NXPH1: variants seen among roughly 807,000 people sequenced by gnomAD.
NXPH1 encodes the protein neurexophilin 1.
NXPH1 carries 5 observed loss-of-function variants against 23.7 expected under a neutral mutation model. That is an observed-to-expected ratio of 0.21 (90% CI 0.11 to 0.44). The LOEUF is 0.44. Among genes scored for constraint, NXPH1 ranks in the 20% least tolerant of loss-of-function variants. The pLI is 0.99. For synonymous variants in NXPH1, 144 were observed against 122.2 expected (o/e 1.18, Z -1.18); for missense variants, 324 against 321.6 (o/e 1.01, Z -0.06).
chr7:8,614,607 T>C (rs2128630204), intron 2 of NXPH1, among the ~76,000 whole-genome samples: 2 of 152,072 alleles, frequency 1.3e-5, no homozygotes, highest in South Asian at 4.1e-4. Flanking sequence ...TCCATATACA[T>C]ATATGTAGGT....
intron 2 of NXPH1, among the ~76,000 whole-genome samples, chr7:8,637,638 C>G (rs78381403): frequency 6.6e-6 from 1 of 152,040 alleles, no homozygotes; most frequent in Non-Finnish European, 1.5e-5. Flanking sequence ...TTTTTAGATG[C>G]TGTGTTTAGA....
chr7:8,456,866 A>G (rs565206770), intron 2 of NXPH1, among the ~76,000 whole-genome samples: 2 of 152,248 alleles, frequency 1.3e-5, no homozygotes, highest in East Asian at 3.9e-4. Context: ...TTGTGTTTTA[A>G]GTTTATTCCT....
intron 2 of NXPH1, among the ~76,000 whole-genome samples, chr7:8,678,671 C>T (rs140535711): frequency 1.7e-3 from 264 of 152,178 alleles, no homozygotes; most frequent in African/African-American, 6.2e-3. Flanking sequence ...CGCAGAGCCT[C>T]CTGTTAAGGA....
intron 2 of NXPH1, among the ~76,000 whole-genome samples, chr7:8,572,363 T>C (rs1818665591): frequency 6.6e-6 from 1 of 151,908 alleles, no homozygotes; most frequent in Non-Finnish European, 1.5e-5. Context: ...ATGTATATAT[T>C]CAATTTGGAG....
intron 2 of NXPH1, among the ~76,000 whole-genome samples, chr7:8,455,445 C>A (rs993416362): frequency 6.6e-6 from 1 of 152,108 alleles, no homozygotes; most frequent in South Asian, 2.1e-4. Flanking sequence ...ATGAGTGGAT[C>A]TTTTAATGGA....
chr7:8,573,299 A>C (rs756170800), intron 2 of NXPH1, among the ~76,000 whole-genome samples: 24 of 152,138 alleles, frequency 1.6e-4, no homozygotes, highest in Admixed American at 7.2e-4. Context: ...GTTTTTAAGC[A>C]ACTGTTTTAC....
At chr7:8,633,528 A>G (rs1393391333) in intron 2 of NXPH1, among the ~76,000 whole-genome samples, 1 of 152,208 alleles carries the variant, frequency 6.6e-6, no homozygotes, top group African/African-American at 2.4e-5. Context: ...TGACAACCGA[A>G]TTTCTCAGTA....
intron 2 of NXPH1, among the ~76,000 whole-genome samples, chr7:8,443,573 G>T (rs1337157994): frequency 6.6e-6 from 1 of 152,262 alleles, no homozygotes; most frequent in Non-Finnish European, 1.5e-5. Flanking sequence ...GCGCAGGGGT[G>T]AGGGAGAGGG....
chr7:8,649,646 G>T (rs1049964626), intron 2 of NXPH1, among the ~76,000 whole-genome samples: 3 of 152,168 alleles, frequency 2.0e-5, no homozygotes, highest in Non-Finnish European at 4.4e-5. Flanking sequence ...CCAAGGCCTT[G>T]TTTCTTGTCT....
rs2128603351 is a variant in NXPH1, at chr7:8,435,663, G to A, written c.-51G>A. On this transcript the variant is annotated 5_prime_UTR_variant, in exon 2 of 3. Coordinates refer to ENST00000405863, the MANE Select transcript of NXPH1 (RefSeq NM_152745.3). This position sits in a 1 kb window ranked among gnomAD's most constrained non-coding sequence, Gnocchi z 5.9. ...TGTCAGGTGGATCTATGTTTCTGAAGGAACAAAGACTCAAAGAAGGCACCG... is the reference window on the plus strand; with the variant it reads ...TGTCAGGTGGATCTATGTTTCTGAAAGAACAAAGACTCAAAGAAGGCACCG... The A allele has an allele frequency of 6.4e-7, 1 of 1,559,266 alleles. No homozygotes were observed. Among genetic ancestry groups the A allele is most frequent in the Non-Finnish European group, 8.8e-7 (1 of 1,130,122 alleles).
At chr7:8,534,807 T>C (rs1038083687) in intron 2 of NXPH1, among the ~76,000 whole-genome samples, 2 of 152,092 alleles carry the variant, frequency 1.3e-5, no homozygotes, top group Non-Finnish European at 2.9e-5. Flanking sequence ...CATTGTTAAG[T>C]CATTTGCTCA....
chr7:8,727,659 A>C (rs1055358996), intron 2 of NXPH1, among the ~76,000 whole-genome samples: 10 of 152,044 alleles, frequency 6.6e-5, no homozygotes, highest in African/African-American at 2.4e-4. Flanking sequence ...GATATGCGGC[A>C]TTATTTCTGA....
At chr7:8,714,220 C>T (rs1779842429) in intron 2 of NXPH1, among the ~76,000 whole-genome samples, 1 of 152,082 alleles carries the variant, frequency 6.6e-6, no homozygotes, top group African/African-American at 2.4e-5. Flanking sequence ...CCATCACCAC[C>T]ATAGGCCCAT....
chr7:8,665,200 T>C lies in NXPH1; in HGVS notation c.55-85808T>C, dbSNP rs566225055. Among the ~76,000 whole-genome samples, 17 of 152,178 alleles carry C rather than the reference T, an allele frequency of 1.1e-4. 1 individual carries two copies. Among genetic ancestry groups the C allele is most frequent in the African/African-American group, 3.9e-4 (16 of 41,558 alleles). On this transcript the variant is annotated intron_variant, in intron 2 of 2. Coordinates refer to ENST00000405863, the MANE Select transcript of NXPH1 (RefSeq NM_152745.3). ...TCCATTTTAAGTTGATTTTTGTAAA[T>C]GGTGTAAGATAAGGATCTAATTTCC...
intron 2 of NXPH1, among the ~76,000 whole-genome samples, chr7:8,540,995 G>A (rs1297289935): frequency 6.6e-6 from 1 of 151,642 alleles, no homozygotes; most frequent in African/African-American, 2.4e-5. Context: ...CAAAAATAAT[G>A]AGCACCCATC....
intron 2 of NXPH1, among the ~76,000 whole-genome samples, chr7:8,679,201 C>T (rs1246531632): frequency 6.6e-6 from 1 of 152,012 alleles, no homozygotes; most frequent in Non-Finnish European, 1.5e-5. Context: ...CCCACCTCGG[C>T]CTCCCAAAGT....
intron 2 of NXPH1, among the ~76,000 whole-genome samples, chr7:8,704,164 G>A (rs1779669763): frequency 6.6e-6 from 1 of 151,998 alleles, no homozygotes; most frequent in African/African-American, 2.4e-5. Context: ...TAGTATTTTA[G>A]TTCCAGCTCT....
intron 2 of NXPH1, among the ~76,000 whole-genome samples, chr7:8,726,206 C>A (rs1419445403): frequency 6.6e-6 from 1 of 150,910 alleles, no homozygotes; most frequent in East Asian, 1.9e-4. Context: ...CTAATAGGTA[C>A]AAATGTCTTA....
chr7:8,454,869 C>T (rs773909369), intron 2 of NXPH1, among the ~76,000 whole-genome samples: 1 of 152,072 alleles, frequency 6.6e-6, no homozygotes, highest in Non-Finnish European at 1.5e-5. Context: ...AGTCATCTTT[C>T]CTAGGAGCCA....
Sources: gnomAD v4.1 joint callset for allele counts (sites outside exome capture counted in the v4.1 genomes callset) on GRCh38, gnomAD v4.1.1 for gene constraint, Gnocchi (gnomAD v3.1) non-coding constraint, MANE v1.5 for transcripts, NCBI Gene and HGNC (gene_info 2026-07-23, HGNC 2026-07-21) for gene names.